The following IFT140 variants were observed in gnomAD, a reference collection of about 807,000 sequenced individuals.
The protein encoded by IFT140 is intraflagellar transport protein 140 homolog.
Under a neutral mutation model 164.6 loss-of-function variants are expected in IFT140, and 133 were observed. That is an observed-to-expected ratio of 0.81 (90% CI 0.70 to 0.93). The LOEUF is 0.93. Ranked by LOEUF, IFT140 falls within the 40% of genes least tolerant of loss-of-function variation. IFT140 has a pLI of 0.00. For synonymous variants in IFT140, 860 were observed against 817.3 expected, an observed-to-expected ratio of 1.05 and a Z score of -0.89; for missense variants, 2,045 against 1,972.3, an observed-to-expected ratio of 1.04 and a Z score of -0.70.
intron 4 of IFT140, among the ~76,000 whole-genome samples, chr16:1,598,037 A>G (rs1449735837): frequency 6.6e-6 from 1 of 152,252 alleles, no homozygotes; most frequent in East Asian, 1.9e-4. Flanking sequence ...AAAGATCACC[A>G]AAGAAGTAGA....
At position 1,510,543 on chromosome 16, in the gene IFT140, T is replaced by G; in HGVS notation, c.*401A>C. On this transcript the variant is annotated 3_prime_UTR_variant, in exon 31 of 31. Coordinates refer to ENST00000426508, the MANE Select transcript of IFT140 (RefSeq NM_014714.4). ...TGTCCCAGCTGTTGCTCAGGAGCCG[T>G]GGGCCCTGCAGGAGTATGGGGAGGA... 1 of 266,178 alleles carries G rather than the reference T, an allele frequency of 3.8e-6. No individual in the cohort carries two copies. The highest frequency in any genetic ancestry group is 7.2e-6 in the Non-Finnish European group (1 of 138,500). The allele number at this position is 266,178 out of a possible 1,614,324, so 16.5% of individuals were successfully genotyped here.
intron 19 of IFT140, among the ~76,000 whole-genome samples, chr16:1,530,192 G>A (rs2030316355): frequency 7.4e-6 from 1 of 135,762 alleles, no homozygotes; most frequent in East Asian, 2.2e-4. Context: ...AGGCTGGAGT[G>A]TGGTGGCACG....
intron 14 of IFT140, among the ~76,000 whole-genome samples, chr16:1,569,927 G>C (rs943472397): frequency 2.6e-5 from 4 of 151,944 alleles, no homozygotes; most frequent in African/African-American, 9.7e-5. Context: ...TGGGACTACA[G>C]GCATGAGCCA....
intron 3 of IFT140, among the ~76,000 whole-genome samples, chr16:1,604,842 A>G (rs1165146007): frequency 6.6e-6 from 1 of 152,058 alleles, no homozygotes; most frequent in African/African-American, 2.4e-5. Flanking sequence ...GTCAACAGTC[A>G]TGCCCAGGTT....
At chr16:1,573,737 C>A (rs985788493) in intron 13 of IFT140, among the ~76,000 whole-genome samples, 1 of 152,164 alleles carries the variant, frequency 6.6e-6, no homozygotes. Context: ...TGGCTGCTGC[C>A]TGGGGCCAGG....
Position 1,592,311 on chromosome 16 carries a change from C to T in IFT140, c.499G>A (p.Val167Ile). The T allele has an allele frequency of 6.2e-7, 1 of 1,614,154 alleles. No homozygotes were observed. The change falls in exon 6 of 31, where the codon GTT becomes ATT. Residue 167 changes from valine to isoleucine, a missense_variant. Coordinates refer to ENST00000426508, the MANE Select transcript of IFT140 (RefSeq NM_014714.4). ...FRLPPPGEDL[V>I]QLAKAAVSGD... Reference sequence around the variant, plus strand: ...CTCACAGCTGCCTTTGCCAACTGAACCAGGTCCCTGAAAGCAAACACGACA... The same window carrying T: ...CTCACAGCTGCCTTTGCCAACTGAATCAGGTCCCTGAAAGCAAACACGACA...
At position 1,510,877 on chromosome 16, in the gene IFT140, C is replaced by T. The variant is rs1294034022; in HGVS notation, c.*67G>A. On this transcript the variant is annotated 3_prime_UTR_variant, in exon 31 of 31. Transcript: ENST00000426508. ...CCCAGCAAAAATGCTGGCTTTGCCA[C>T]AGCTGACAAAAAAATTCCAGAAGAT... The T allele has an allele frequency of 7.0e-7, 1 of 1,437,632 alleles. No homozygotes were observed. The highest frequency in any genetic ancestry group is 9.6e-7 in the Non-Finnish European group (1 of 1,039,756). 89.1% of individuals were successfully genotyped at this position (1,437,632 alleles called of 1,614,324 possible).
chr16:1,607,038 G>A, intron 3 of IFT140, 82 bp downstream of exon 3: 1 of 1,385,612 alleles, frequency 7.2e-7, no homozygotes, highest in Non-Finnish European at 1.0e-6. Context: ...ACACACATGT[G>A]CACACACACA....
At chr16:1,562,459 G>A (rs1258739763) in intron 17 of IFT140, among the ~76,000 whole-genome samples, 3 of 152,070 alleles carry the variant, frequency 2.0e-5, no homozygotes, top group Admixed American at 2.0e-4. Flanking sequence ...CCTCTTTGGC[G>A]GCTTTACTCT....
In IFT140 at chr16:1,584,369, T is replaced by C. The variant is rs1216500390; in HGVS notation, c.1207A>G (p.Ile403Val). Residue 403 changes from isoleucine to valine, a missense_variant, in exon 11 of 31, where the codon ATC becomes GTC. Transcript: ENST00000426508. ...GACGACATGGCCCGCTCGCTGAGGATGGCCACGGAGATGACGCTGTTCACT... is the reference window on the plus strand; with the variant it reads ...GACGACATGGCCCGCTCGCTGAGGACGGCCACGGAGATGACGCTGTTCACT... ...LAVNSVISVA[I>V]LSERAMSSHF... 5 of 1,612,982 alleles carry C rather than the reference T, an allele frequency of 3.1e-6. No individual in the cohort carries two copies. The highest frequency in any genetic ancestry group is 3.4e-6 in the Non-Finnish European group (4 of 1,179,784).
In IFT140 at chr16:1,558,143, C is replaced by G; in HGVS notation, c.2200-9G>C. Reference sequence around the variant, plus strand: ...CTGTCTGCTTCTTCGGGCTAAATGACAAAGGACCCATGTGTTTGTTAATTC... The same window carrying G: ...CTGTCTGCTTCTTCGGGCTAAATGAGAAAGGACCCATGTGTTTGTTAATTC... On this transcript the variant is annotated splice_polypyrimidine_tract_variant and intron_variant, in intron 18 of 30. Coordinates refer to ENST00000426508, the MANE Select transcript of IFT140 (RefSeq NM_014714.4). 8 of 1,613,978 alleles carry G rather than the reference C, an allele frequency of 5.0e-6. No individual in the cohort carries two copies. The highest frequency in any genetic ancestry group is 6.8e-6 in the Non-Finnish European group (8 of 1,179,906).
chr16:1,561,584 A>G (rs1443363224), intron 18 of IFT140, among the ~76,000 whole-genome samples: 1 of 152,212 alleles, frequency 6.6e-6, no homozygotes, highest in Non-Finnish European at 1.5e-5. Context: ...TAAGATCCCT[A>G]CAGTGAATAT....
intron 19 of IFT140, among the ~76,000 whole-genome samples, chr16:1,556,419 C>G (rs1355233079): frequency 2.6e-5 from 4 of 152,284 alleles, no homozygotes; most frequent in African/African-American, 9.6e-5. Context: ...CACTGCCTGG[C>G]CTCATGCCCT....
rs956715706 is a variant in IFT140 at position 1,553,555 on chromosome 16, A to G, written c.2399+4380T>C. The G allele has an allele frequency of 1.0e-6, 1 of 1,002,262 alleles. No homozygotes were observed. Among genetic ancestry groups the G allele is most frequent in the South Asian group, 4.3e-5 (1 of 23,154 alleles). 62.1% of individuals were successfully genotyped at this position (1,002,262 alleles called of 1,614,324 possible). A position where few individuals can be genotyped will look rare whatever the true frequency, so the allele number is the denominator to read the frequency against. On this transcript the variant is annotated intron_variant, in intron 19 of 30. Coordinates refer to ENST00000426508, the MANE Select transcript of IFT140 (RefSeq NM_014714.4). The surrounding 1 kb of genome is among the most constrained non-coding windows in gnomAD (Gnocchi z 4.4). Reference sequence around the variant, plus strand: ...GTCCTCTATGGACAAGAGGGGCTGGAGAGTTTAATCTGGACCAGTGTAAGT... The same window carrying G: ...GTCCTCTATGGACAAGAGGGGCTGGGGAGTTTAATCTGGACCAGTGTAAGT...
chr16:1,524,937 T>A, intron 22 of IFT140, 21 bp from the exon 23 acceptor site: 1 of 1,590,790 alleles, frequency 6.3e-7, no homozygotes, highest in Non-Finnish European at 8.6e-7. Flanking sequence ...CCCAAGACCA[T>A]GGATTCTCCA....
intron 30 of IFT140, among the ~76,000 whole-genome samples, chr16:1,516,668 G>GTGT (rs1169154518): frequency 6.6e-6 from 1 of 151,494 alleles, no homozygotes; most frequent in African/African-American, 2.4e-5. Flanking sequence ...TACTCGGGAG[G>GTGT]CTGAGGTAGG....
At chr16:1,520,874 T>C in intron 26 of IFT140, 66 bp from the exon 27 acceptor site, 1 of 1,450,292 alleles carries the variant, frequency 6.9e-7, no homozygotes, top group Non-Finnish European at 9.4e-7. Context: ...GCCCCTCATC[T>C]GCCACCGCTT....
chr16:1,567,861 T>A (rs1414685730), intron 15 of IFT140, among the ~76,000 whole-genome samples: 1 of 152,100 alleles, frequency 6.6e-6, no homozygotes, highest in Non-Finnish European at 1.5e-5. Flanking sequence ...GTCCTGTGCC[T>A]CCTCGCGTGC....
At chr16:1,565,163 G>A (rs937032159) in intron 16 of IFT140, among the ~76,000 whole-genome samples, 3 of 152,232 alleles carry the variant, frequency 2.0e-5, no homozygotes, top group Non-Finnish European at 4.4e-5. Context: ...AAGCATGAAT[G>A]AAAAGACATT....
Sources: allele counts gnomAD v4.1 joint callset (sites outside exome capture counted in the v4.1 genomes callset), GRCh38; gene constraint gnomAD v4.1.1; non-coding constraint Gnocchi (gnomAD v3.1); transcripts MANE v1.5; gene names NCBI Gene and HGNC (gene_info 2026-07-23, HGNC 2026-07-21).